Variants in CFAP54 observed in about 807,000 individuals in gnomAD.
The protein encoded by CFAP54 is cilia- and flagella-associated protein 54.
A neutral mutation model predicts 370.4 loss-of-function variants in CFAP54; 290 were observed. The ratio of observed to expected loss-of-function variants is 0.78; its 90% CI spans 0.71 to 0.86. The LOEUF is 0.86. Ranked by LOEUF, CFAP54 falls within the 40% of genes least tolerant of loss-of-function variation. The probability of loss-of-function intolerance (pLI) is 0.00; values close to 1 mark genes in which losing one functional copy is unlikely to be tolerated. For missense variants in CFAP54, 3,399 were observed against 3,528.7 expected (o/e 0.96, Z 0.93); for synonymous variants, 1,206 against 1,236.5 (o/e 0.98, Z 0.52).
At chr12:96,679,813 G>GTCCC in intron 40 of CFAP54, 61 bp downstream of exon 40, 2 of 1,530,484 alleles carry the variant, frequency 1.3e-6, no homozygotes, top group Non-Finnish European at 1.8e-6. Flanking sequence ...CCCTGCAGAT[G>GTCCC]TCCCTCTTCT....
rs191286013 is a variant in CFAP54, at chr12:96,642,496, C to G, written c.4317-1682C>G. Among the ~76,000 whole-genome samples the G allele has an allele frequency of 3.1e-3, 467 of 152,174 alleles. 3 individuals carry two copies. Among genetic ancestry groups the G allele is most frequent in the African/African-American group, 0.01 (427 of 41,524 alleles). On this transcript the variant is annotated intron_variant, in intron 32 of 67. Transcript: ENST00000524981. The stretch of plus-strand genomic sequence containing the variant: ...TATAGCTATATAAATCTCTGTATCT[C>G]TCTATCTCTCTGTATCTAAAACCAT...
chr12:96,849,423 T>C (rs760430070), intron 66 of CFAP54, among the ~76,000 whole-genome samples: 14 of 152,176 alleles, frequency 9.2e-5, no homozygotes, highest in Non-Finnish European at 1.6e-4. Flanking sequence ...CTTTTGGTCA[T>C]GGAACGCTTA....
chr12:96,693,118 G>C lies in CFAP54; in HGVS notation c.6265-604G>C, dbSNP rs78519725. 4.6e-3 allele frequency among the ~76,000 whole-genome samples: 699 copies of C among 152,260 alleles called. 6 individuals are homozygous for C. Among genetic ancestry groups the C allele is most frequent in the African/African-American group, 0.016 (672 of 41,542 alleles). On this transcript the variant is annotated intron_variant, in intron 44 of 67. Coordinates refer to ENST00000524981, the MANE Select transcript of CFAP54 (RefSeq NM_001306084.2). ...TAGGAAAATAAAAATATTATGAGAAGAGTAAGCTTGGGTTTTAACCAGTAG... is the reference window on the plus strand; with the variant it reads ...TAGGAAAATAAAAATATTATGAGAACAGTAAGCTTGGGTTTTAACCAGTAG...
rs571250725 is a variant in CFAP54 at position 96,723,144 on chromosome 12, T to C, written c.6965+2579T>C. On this transcript the variant is annotated intron_variant, in intron 50 of 67. Transcript: ENST00000524981. The stretch of plus-strand genomic sequence containing the variant: ...ATGTAATGTATCAAAATATTTTATG[T>C]ACCCTGGAAGTATATATGTCTATTA... Among the ~76,000 whole-genome samples, 28 of 152,316 alleles carry C rather than the reference T, an allele frequency of 1.8e-4. No individual in the cohort carries two copies. In the South Asian group the frequency reaches 2.3e-3, roughly 12 times the overall value.
chr12:96,541,133 G>A, intron 14 of CFAP54, 146 bp downstream of exon 14: 1 of 474,916 alleles, frequency 2.1e-6, no homozygotes, highest in South Asian at 5.9e-5. Context: ...TAGATAATAA[G>A]ATAGTTTCAT....
At chr12:96,493,806 A>C (rs1954915319) in intron 1 of CFAP54, among the ~76,000 whole-genome samples, 1 of 152,212 alleles carries the variant, frequency 6.6e-6, no homozygotes, top group Non-Finnish European at 1.5e-5. Flanking sequence ...TCAAACAAAC[A>C]AACAAAAAAA....
chr12:96,625,548 A>G (rs1426367444), intron 28 of CFAP54, among the ~76,000 whole-genome samples, 170 bp from the exon 29 acceptor site: 1 of 152,234 alleles, frequency 6.6e-6, no homozygotes, highest in Admixed American at 6.5e-5. Context: ...GATTATTTTT[A>G]TTTCCAAAAT....
chr12:96,570,537 G>A (rs1207899159), intron 19 of CFAP54, among the ~76,000 whole-genome samples: 1 of 152,140 alleles, frequency 6.6e-6, no homozygotes, highest in Non-Finnish European at 1.5e-5. Context: ...AGACAAGATA[G>A]CATAGTGGTT....
intron 66 of CFAP54, among the ~76,000 whole-genome samples, chr12:96,852,677 A>C (rs1056495587): frequency 6.6e-6 from 1 of 152,174 alleles, no homozygotes; most frequent in African/African-American, 2.4e-5. Context: ...ATTGGACTAT[A>C]TTTTAAGATA....
rs956163693 is a variant in CFAP54, at chr12:96,682,213, A to G, written c.5717-2435A>G. 6.1e-6 allele frequency: 6 copies of G among 985,504 alleles called. No individual in the cohort carries two copies. In the African/African-American group the frequency reaches 8.7e-5, roughly 14 times the overall value. 61.0% of individuals were successfully genotyped at this position (985,504 alleles called of 1,614,324 possible). On this transcript the variant is annotated intron_variant, in intron 40 of 67. Transcript: ENST00000524981. ...GGAATTTTGCCTGGGGACAGAGGAGATGCATATGTCAATACCCCCTGACCT... is the reference window on the plus strand; with the variant it reads ...GGAATTTTGCCTGGGGACAGAGGAGGTGCATATGTCAATACCCCCTGACCT...
At position 96,500,913 on chromosome 12, in the gene CFAP54, G is replaced by A; in HGVS notation, c.397G>A (p.Val133Ile). 1 of 1,535,492 alleles carries A rather than the reference G, an allele frequency of 6.5e-7. No homozygotes were observed. Among genetic ancestry groups the A allele is most frequent in the Non-Finnish European group, 8.7e-7 (1 of 1,146,386 alleles). Residue 133 changes from valine to isoleucine, a missense_variant, in exon 2 of 68, where the codon GTT becomes ATT. Transcript: ENST00000524981. Reference protein sequence around the residue: ...ADYYNEKLLKVGDSLCQMKEY... With the variant: ...ADYYNEKLLKIGDSLCQMKEY... ...CTATTACAACGAAAAGCTTCTGAAGGTTGGAGATAGCCTTTGTCAAATGAA... is the reference window on the plus strand; with the variant it reads ...CTATTACAACGAAAAGCTTCTGAAGATTGGAGATAGCCTTTGTCAAATGAA...
chr12:96,843,536 T>A (rs996502054), intron 66 of CFAP54, among the ~76,000 whole-genome samples: 4 of 152,170 alleles, frequency 2.6e-5, no homozygotes, highest in Non-Finnish European at 4.4e-5. Flanking sequence ...TGCTAACAAA[T>A]AAGCACCAAA....
chr12:96,591,721 C>G (rs1391342933), intron 23 of CFAP54, among the ~76,000 whole-genome samples: 1 of 151,770 alleles, frequency 6.6e-6, no homozygotes, highest in Non-Finnish European at 1.5e-5. Context: ...AACCCCGTCT[C>G]TACTAAAAAT....
chr12:96,602,164 T>TG (rs200539146), intron 26 of CFAP54, among the ~76,000 whole-genome samples: 3 of 55,296 alleles, frequency 5.4e-5, no homozygotes, highest in Non-Finnish European at 1.2e-4. Context: ...TTGTCTTTGT[T>TG]CCATTGCTTT....
chr12:96,825,342 T>TA (rs1959079130), intron 65 of CFAP54, among the ~76,000 whole-genome samples: 1 of 124,490 alleles, frequency 8.0e-6, no homozygotes, highest in African/African-American at 3.2e-5. Context: ...ATGTTATATA[T>TA]TATGTAACAT....
chr12:96,615,735 C>G (rs1395167078), intron 26 of CFAP54, among the ~76,000 whole-genome samples: 1 of 152,136 alleles, frequency 6.6e-6, no homozygotes, highest in East Asian at 1.9e-4. Context: ...AAGAAGACAT[C>G]TATGCAGCCA....
chr12:96,588,474 TC>T (rs1956093635), intron 22 of CFAP54, among the ~76,000 whole-genome samples: 1 of 152,234 alleles, frequency 6.6e-6, no homozygotes, highest in South Asian at 2.1e-4. Context: ...TGATACCATC[TC>T]TATCTAAACT....
intron 26 of CFAP54, among the ~76,000 whole-genome samples, chr12:96,612,106 T>G (rs992680486): frequency 2.0e-5 from 3 of 152,028 alleles, no homozygotes; most frequent in Admixed American, 6.6e-5. Context: ...TTCACCAAAG[T>G]TGAAATGAAG....
At chr12:96,545,971 C>T (rs1303656256) in intron 14 of CFAP54, among the ~76,000 whole-genome samples, 1 of 152,104 alleles carries the variant, frequency 6.6e-6, no homozygotes, top group Non-Finnish European at 1.5e-5. Context: ...TTTGTAATAG[C>T]CTTTATGATA....
Sources: allele counts gnomAD v4.1 joint callset (sites outside exome capture counted in the v4.1 genomes callset), GRCh38; gene constraint gnomAD v4.1.1; transcripts MANE v1.5; gene names NCBI Gene and HGNC (gene_info 2026-07-23, HGNC 2026-07-21).